Variants in ADIG observed in about 807,000 individuals in gnomAD.
ADIG encodes adipogenin, also known as adipogenesis associated.
Under a neutral mutation model 10.7 loss-of-function variants are expected in ADIG, and 12 were observed. The ratio of observed to expected loss-of-function variants is 1.12; its 90% CI spans 0.72 to 1.82. ADIG has a LOEUF of 1.82. Among genes scored for constraint, ADIG ranks in the 40% most tolerant of loss-of-function variants. The probability of loss-of-function intolerance (pLI) is 0.00; values close to 1 mark genes in which losing one functional copy is unlikely to be tolerated. For synonymous variants in ADIG, 32 were observed against 35.6 expected, an observed-to-expected ratio of 0.90 and a Z score of 0.36; for missense variants, 72 against 92.5, an observed-to-expected ratio of 0.78 and a Z score of 0.91.
rs147856789 is a variant in ADIG at position 38,585,438 on chromosome 20, T to C, written c.125-591T>C. The stretch of plus-strand genomic sequence containing the variant: ...ATTTGCTTATAATATACCGTAGATA[T>C]TCTGCAAGTCAGAAGATACAGATAT... On this transcript the variant is annotated intron_variant, in intron 1 of 2. Transcript: ENST00000537425. 415 of 1,550,566 alleles carry C rather than the reference T, an allele frequency of 2.7e-4. No homozygotes were observed. The African/African-American group carries it at 4.2e-3, about 16-fold the overall frequency.
At position 38,581,227 on chromosome 20, in the gene ADIG, G is replaced by T; in HGVS notation, c.-24G>T. On this transcript the variant is annotated 5_prime_UTR_variant, in exon 1 of 3. Transcript: ENST00000537425. ...AGCCCTGCCAGCCCAGCCCAGGCTG[G>T]CCCAGCTTAGCCACACATGCGCCAT... 1 of 1,592,690 alleles carries T rather than the reference G, an allele frequency of 6.3e-7. No individual in the cohort carries two copies. The highest frequency in any genetic ancestry group is 1.8e-5 in the Admixed American group (1 of 56,198).
chr20:38,587,904 A>C (rs1357885184), intron 2 of ADIG, among the ~76,000 whole-genome samples, 197 bp from the exon 3 acceptor site: 1 of 151,726 alleles, frequency 6.6e-6, no homozygotes, highest in African/African-American at 2.4e-5. Context: ...CGCCCGGCTA[A>C]TTTTTCTATT....
At chr20:38,585,738 T>C in intron 1 of ADIG, 1 of 618,602 alleles carries the variant, frequency 1.6e-6, no homozygotes, top group Non-Finnish European at 2.8e-6. Flanking sequence ...CTTCACTGCC[T>C]CTTCCTGGAC....
intron 1 of ADIG, among the ~76,000 whole-genome samples, chr20:38,581,999 CGAAGCTGGCTGTGGAG>C (rs1417714041): frequency 6.6e-6 from 1 of 152,000 alleles, no homozygotes; most frequent in Non-Finnish European, 1.5e-5. Flanking sequence ...AGAGGTGGGA[CGAAGCTGGCTGTGGAG>C]GAAGCTGGGG....
chr20:38,585,739 C>T (rs945543745), intron 1 of ADIG: 19 of 616,900 alleles, frequency 3.1e-5, no homozygotes, highest in Non-Finnish European at 5.1e-5. Flanking sequence ...TTCACTGCCT[C>T]TTCCTGGACC....
At chr20:38,586,219 C>A in intron 2 of ADIG, 58 bp downstream of exon 2, 1 of 1,418,560 alleles carries the variant, frequency 7.0e-7, no homozygotes, top group Non-Finnish European at 9.7e-7. Flanking sequence ...CCTTGGGCAG[C>A]TGCTATGTGG....
intron 1 of ADIG, among the ~76,000 whole-genome samples, chr20:38,585,281 C>A (rs2088626310): frequency 6.6e-6 from 1 of 152,196 alleles, no homozygotes; most frequent in African/African-American, 2.4e-5. Flanking sequence ...CCCCATCCCT[C>A]TTTTTTTCTC....
chr20:38,586,188 A>C (rs1432456940), intron 2 of ADIG, 27 bp downstream of exon 2: 4 of 1,542,184 alleles, frequency 2.6e-6, no homozygotes, highest in Non-Finnish European at 2.6e-6. Flanking sequence ...GGCCAGGGGG[A>C]GCCTCAAGGC....
In ADIG at chr20:38,587,651, C is replaced by T. The variant is rs114839196; in HGVS notation, c.*15-450C>T. ...AATTTGTGGCATGAGAAAAGATTTT[C>T]GGACGCTGCACAAGAACCCTATCCC... On this transcript the variant is annotated intron_variant, in intron 2 of 2. Transcript: ENST00000537425. Among the ~76,000 whole-genome samples the T allele has an allele frequency of 3.2e-3, 482 of 151,894 alleles. 1 individual carries two copies. Among genetic ancestry groups the T allele is most frequent in the African/African-American group, 0.011 (458 of 41,408 alleles).
At chr20:38,582,036 C>T (rs2088595018) in intron 1 of ADIG, among the ~76,000 whole-genome samples, 3 of 152,106 alleles carry the variant, frequency 2.0e-5, no homozygotes, top group Admixed American at 1.3e-4. Context: ...GTGGCTGGAT[C>T]AGGATATGGC....
intron 2 of ADIG, among the ~76,000 whole-genome samples, chr20:38,587,497 A>G (rs1343756429): frequency 1.3e-5 from 2 of 152,136 alleles, no homozygotes; most frequent in South Asian, 2.1e-4. Flanking sequence ...CTGCAGTCCC[A>G]CAAGGTCCCA....
In ADIG at chr20:38,588,347, G is replaced by A; in HGVS notation, c.*261G>A. 1 of 1,300,984 alleles carries A rather than the reference G, an allele frequency of 7.7e-7. No individual in the cohort carries two copies. Among genetic ancestry groups the A allele is most frequent in the South Asian group, 1.2e-5 (1 of 80,630 alleles). 80.6% of individuals were successfully genotyped at this position (1,300,984 alleles called of 1,614,324 possible). Reference sequence around the variant, plus strand: ...ATGGGAGCAGTGAGCAGGCCCATGGGGAGAAATTGGCCAATTTAATTCAGA... The same window carrying A: ...ATGGGAGCAGTGAGCAGGCCCATGGAGAGAAATTGGCCAATTTAATTCAGA... On this transcript the variant is annotated 3_prime_UTR_variant, in exon 3 of 3. Coordinates refer to ENST00000537425, the MANE Select transcript of ADIG (RefSeq NM_001393816.1).
intron 1 of ADIG, 102 bp downstream of exon 1, chr20:38,581,476 C>G: frequency 1.3e-6 from 2 of 1,521,056 alleles, no homozygotes; most frequent in Non-Finnish European, 1.8e-6. Context: ...GGGCTTCCTT[C>G]AGTCATTTTA....
At chr20:38,585,008 T>C (rs551839445) in intron 1 of ADIG, among the ~76,000 whole-genome samples, 1 of 152,272 alleles carries the variant, frequency 6.6e-6, no homozygotes, top group South Asian at 2.1e-4. Flanking sequence ...GATCTCTTGA[T>C]CTCATGGTCA....
rs1183272797 is a variant in ADIG, at chr20:38,588,312, C to T, written c.*226C>T. 1 of 1,304,068 alleles carries T rather than the reference C, an allele frequency of 7.7e-7. No individual in the cohort carries two copies. Among genetic ancestry groups the T allele is most frequent in the East Asian group, 5.6e-5 (1 of 18,018 alleles). 80.8% of individuals were successfully genotyped at this position (1,304,068 alleles called of 1,614,324 possible). A position where few individuals can be genotyped will look rare whatever the true frequency, so the allele number is the denominator to read the frequency against. The stretch of plus-strand genomic sequence containing the variant: ...CAGCCCTGCAGGGAGCCGCTCAAGT[C>T]TGGGAGGGCATGGGAGCAGTGAGCA... On this transcript the variant is annotated 3_prime_UTR_variant, in exon 3 of 3. Transcript: ENST00000537425.
chr20:38,581,375 G>A lies in ADIG; in HGVS notation c.124+1G>A, dbSNP rs1431446264. 1 of 1,613,966 alleles carries A rather than the reference G, an allele frequency of 6.2e-7. No homozygotes were observed. On this transcript the variant is annotated splice_donor_variant, in intron 1 of 2. Transcript: ENST00000537425. LOFTEE classifies it high-confidence loss of function. ...TGGCTACGCTTCTTACTTAGCCAAGGTGAGCTTCTTACCCCGTCCAGGCAG... is the reference window on the plus strand; with the variant it reads ...TGGCTACGCTTCTTACTTAGCCAAGATGAGCTTCTTACCCCGTCCAGGCAG...
In ADIG at chr20:38,583,750, C is replaced by T. The variant is rs368989779; in HGVS notation, c.125-2279C>T. Among the ~76,000 whole-genome samples, 41 of 152,330 alleles carry T rather than the reference C, an allele frequency of 2.7e-4. No individual in the cohort carries two copies. In the East Asian group the frequency reaches 4.4e-3, roughly 16 times the overall value. On this transcript the variant is annotated intron_variant, in intron 1 of 2. Transcript: ENST00000537425. ...CATCCACAACCTACCCCACTCCAAC[C>T]CCTCCGCAGACTTTCTCCTGAGAGG... is the stretch of plus-strand genomic sequence containing the variant.
chr20:38,588,203 G>A lies in ADIG; in HGVS notation c.*117G>A, dbSNP rs1410559584. On this transcript the variant is annotated 3_prime_UTR_variant, in exon 3 of 3. Transcript: ENST00000537425. ...CTTTGGCAACTGTGGTGCCTCCCTGGAACCCCCAACTCATCTCCTCTTCAG... is the reference window on the plus strand; with the variant it reads ...CTTTGGCAACTGTGGTGCCTCCCTGAAACCCCCAACTCATCTCCTCTTCAG... 3 of 1,304,566 alleles carry A rather than the reference G, an allele frequency of 2.3e-6. No individual in the cohort carries two copies. 80.8% of individuals were successfully genotyped at this position (1,304,566 alleles called of 1,614,324 possible).
chr20:38,584,079 C>T (rs190387245), intron 1 of ADIG, among the ~76,000 whole-genome samples: 6 of 152,190 alleles, frequency 3.9e-5, no homozygotes, highest in East Asian at 3.9e-4. Context: ...CCGCCTCCTC[C>T]CCACCACCCC....
Sources: gnomAD v4.1 joint callset for allele counts (sites outside exome capture counted in the v4.1 genomes callset) on GRCh38, gnomAD v4.1.1 for gene constraint, MANE v1.5 for transcripts, NCBI Gene and HGNC (gene_info 2026-07-23, HGNC 2026-07-21) for gene names.